Variants in IMMP1L observed in about 807,000 individuals in gnomAD.
IMMP1L encodes the protein mitochondrial inner membrane protease subunit 1.
In IMMP1L, 24 loss-of-function variants were observed where a neutral mutation model predicts 21.8. The observed-to-expected ratio is 1.10, with a 90% confidence interval of 0.80 to 1.55. The LOEUF is 1.55. Among genes scored for constraint, IMMP1L ranks in the 40% most tolerant of loss-of-function variants. IMMP1L has a pLI of 0.00. For synonymous variants in IMMP1L, 46 were observed against 62.8 expected (o/e 0.73, Z 1.26); for missense variants, 195 against 200.7 (o/e 0.97, Z 0.17).
At chr11:31,450,261 T>C (rs1953699614) in intron 4 of IMMP1L, among the ~76,000 whole-genome samples, 1 of 152,166 alleles carries the variant, frequency 6.6e-6, no homozygotes, top group Non-Finnish European at 1.5e-5. Context: ...CACAACCTCA[T>C]TAGTAGGCAA....
Position 31,433,440 on chromosome 11 carries a change from T to G in IMMP1L, c.432+20A>C. ...TCTAGCTCAGAAAATAAACCTTACA[T>G]TTTAAGCAGAAAATGGTACCTTAAA... On this transcript the variant is annotated intron_variant, in intron 5 of 5. Transcript: ENST00000532287. 7.2e-7 allele frequency: 1 copy of G among 1,386,316 alleles called. No homozygotes were observed. 85.9% of individuals were successfully genotyped at this position (1,386,316 alleles called of 1,614,324 possible). A position where few individuals can be genotyped will look rare whatever the true frequency, so the allele number is the denominator to read the frequency against.
intron 1 of IMMP1L, among the ~76,000 whole-genome samples, chr11:31,502,035 T>C (rs1206954370): frequency 6.6e-6 from 1 of 151,388 alleles, no homozygotes; most frequent in African/African-American, 2.4e-5. Context: ...AAAGACCTTG[T>C]TGTATGAAAA....
At chr11:31,458,210 T>C (rs941597697) in intron 3 of IMMP1L, among the ~76,000 whole-genome samples, 6 of 152,196 alleles carry the variant, frequency 3.9e-5, no homozygotes, top group East Asian at 3.8e-4. Flanking sequence ...TAACTAGATA[T>C]ATGCATAGCG....
At chr11:31,465,624 A>T (rs967496440) in intron 1 of IMMP1L, among the ~76,000 whole-genome samples, 2 of 152,086 alleles carry the variant, frequency 1.3e-5, no homozygotes, top group Non-Finnish European at 2.9e-5. Flanking sequence ...ACAATAGAGA[A>T]CCCAGAAATA....
intron 1 of IMMP1L, among the ~76,000 whole-genome samples, chr11:31,490,308 C>T (rs546800596): frequency 1.3e-5 from 2 of 152,110 alleles, no homozygotes; most frequent in South Asian, 2.1e-4. Flanking sequence ...CGCGCCTCTG[C>T]TAAGAATACA....
At chr11:31,488,757 TTATAA>T (rs1426161674) in intron 1 of IMMP1L, among the ~76,000 whole-genome samples, 1 of 152,248 alleles carries the variant, frequency 6.6e-6, no homozygotes, top group East Asian at 1.9e-4. Flanking sequence ...TTGTGACCAG[TTATAA>T]TATGACAAAG....
chr11:31,505,086 A>G (rs754496977), intron 1 of IMMP1L, among the ~76,000 whole-genome samples: 23 of 152,186 alleles, frequency 1.5e-4, no homozygotes, highest in Admixed American at 3.3e-4. Flanking sequence ...TTACCTGCAC[A>G]GACACAACAG....
Position 31,463,322 on chromosome 11 carries a change from A to G in IMMP1L, c.-29-17T>C. ...ACCATTGGCCTGATGGTAAATTTCA[A>G]AAAGTTTCATGATCAATACTATTTA... On this transcript the variant is annotated splice_polypyrimidine_tract_variant and intron_variant, in intron 1 of 5. Coordinates refer to ENST00000532287, the MANE Select transcript of IMMP1L (RefSeq NM_001304274.2). The G allele has an allele frequency of 6.4e-7, 1 of 1,564,004 alleles. No individual in the cohort carries two copies. Among genetic ancestry groups the G allele is most frequent in the Non-Finnish European group, 8.6e-7 (1 of 1,163,276 alleles).
chr11:31,453,828 A>G (rs1318417900), intron 4 of IMMP1L, among the ~76,000 whole-genome samples: 1 of 152,168 alleles, frequency 6.6e-6, no homozygotes, highest in Non-Finnish European at 1.5e-5. Flanking sequence ...AAAGACAAAT[A>G]CTTTTTAAAG....
intron 1 of IMMP1L, among the ~76,000 whole-genome samples, chr11:31,502,096 T>C (rs1421841806): frequency 6.6e-6 from 1 of 151,718 alleles, no homozygotes; most frequent in Admixed American, 6.6e-5. Context: ...AGAGAAAAAA[T>C]CCGAACTGAG....
rs187394513 is a variant in IMMP1L at position 31,493,450 on chromosome 11, C to T, written c.-30+16069G>A. ...TGATTCAGTTACCTCCTACCAGTTC[C>T]CTTGCACAGTATGTGGGGATTATGG... On this transcript the variant is annotated intron_variant, in intron 1 of 5. Coordinates refer to ENST00000532287, the MANE Select transcript of IMMP1L (RefSeq NM_001304274.2). 1.8e-4 allele frequency among the ~76,000 whole-genome samples: 28 copies of T among 152,240 alleles called. No individual in the cohort carries two copies. The East Asian group carries it at 4.8e-3, about 26-fold the overall frequency.
chr11:31,447,483 T>C (rs1953566212), intron 4 of IMMP1L, among the ~76,000 whole-genome samples: 1 of 152,234 alleles, frequency 6.6e-6, no homozygotes, highest in African/African-American at 2.4e-5. Flanking sequence ...TCAAGAATCA[T>C]ACATAATGTA....
chr11:31,447,909 A>T (rs557715184), intron 4 of IMMP1L, among the ~76,000 whole-genome samples: 149 of 152,314 alleles, frequency 9.8e-4, no homozygotes, highest in African/African-American at 3.1e-3. Flanking sequence ...TCAAATTTTA[A>T]TTACCCAAAG....
intron 4 of IMMP1L, among the ~76,000 whole-genome samples, chr11:31,435,927 T>C (rs1953102222): frequency 6.6e-6 from 1 of 152,182 alleles, no homozygotes; most frequent in African/African-American, 2.4e-5. Context: ...AAGGCTTGGA[T>C]GAACGTTTTT....
rs1954315816 is a variant in IMMP1L, at chr11:31,465,735, TCC to T, written c.-29-2432_-29-2431del. 2.0e-5 allele frequency among the ~76,000 whole-genome samples: 3 copies of T among 152,166 alleles called. No homozygotes were observed. The South Asian group carries it at 6.2e-4, about 32-fold the overall frequency. On this transcript the variant is annotated intron_variant, in intron 1 of 5. Transcript: ENST00000532287. Reference sequence around the variant, plus strand: ...TAAATAGTGCTGGAAAATTTGGATATCCACATGTAGAAGGACAAAACTAGTCC... The same window carrying T: ...TAAATAGTGCTGGAAAATTTGGATATACATGTAGAAGGACAAAACTAGTCC...
chr11:31,452,157 A>G (rs1591964529), intron 4 of IMMP1L: 5 of 898,406 alleles, frequency 5.6e-6, no homozygotes, highest in Non-Finnish European at 6.7e-6. Flanking sequence ...ACTATACACA[A>G]CTCTTCCCTA....
chr11:31,476,390 T>C (rs1000551132), intron 1 of IMMP1L, among the ~76,000 whole-genome samples: 1 of 152,084 alleles, frequency 6.6e-6, no homozygotes, highest in African/African-American at 2.4e-5. Context: ...GAACTCTGTA[T>C]AAATTTATTA....
intron 4 of IMMP1L, among the ~76,000 whole-genome samples, chr11:31,436,859 T>C (rs897071479): frequency 6.6e-6 from 1 of 152,144 alleles, no homozygotes; most frequent in Non-Finnish European, 1.5e-5. Flanking sequence ...TGACATTTAG[T>C]CAAGGAAAAA....
chr11:31,476,062 T>C (rs1300585906), intron 1 of IMMP1L, among the ~76,000 whole-genome samples: 4 of 152,140 alleles, frequency 2.6e-5, no homozygotes. Context: ...GATAATAGCC[T>C]ACCTGGCAAA....
Sources: allele counts gnomAD v4.1 joint callset (sites outside exome capture counted in the v4.1 genomes callset), GRCh38; gene constraint gnomAD v4.1.1; transcripts MANE v1.5; gene names NCBI Gene and HGNC (gene_info 2026-07-23, HGNC 2026-07-21).